Variants in ZBTB7C observed in about 807,000 individuals in gnomAD.
The protein encoded by ZBTB7C is zinc finger and BTB domain-containing protein 7C.
Under a neutral mutation model 25.7 loss-of-function variants are expected in ZBTB7C, and 8 were observed. That is an observed-to-expected ratio of 0.31 (90% CI 0.18 to 0.56). The LOEUF (loss-of-function observed/expected upper bound fraction) is 0.56. ZBTB7C is among the 20% of genes least tolerant of loss of function. The pLI, the probability that ZBTB7C is intolerant of heterozygous loss-of-function variation, is 0.91. For missense variants in ZBTB7C, 824 were observed against 855.2 expected (o/e 0.96, Z 0.46); for synonymous variants, 394 against 369.0 (o/e 1.07, Z -0.78).
rs955880539 is a variant in ZBTB7C at position 48,076,863 on chromosome 18, CA to C, written c.-16-35741del. On this transcript the variant is annotated intron_variant, in intron 3 of 4. Transcript: ENST00000590800. ...GAGAATGTAGTCATTATGCCCTGCC[CA>C]AAGCCCGAACCATGATCCCTTTTCC... The C allele has an allele frequency of 2.2e-5, 20 of 900,876 alleles. No individual in the cohort carries two copies. The African/African-American group carries it at 3.4e-4, about 16-fold the overall frequency. 55.8% of individuals were successfully genotyped at this position (900,876 alleles called of 1,614,324 possible). A position where few individuals can be genotyped will look rare whatever the true frequency, so the allele number is the denominator to read the frequency against.
At chr18:48,279,688 T>C (rs951254793) in intron 2 of ZBTB7C, among the ~76,000 whole-genome samples, 2 of 152,094 alleles carry the variant, frequency 1.3e-5, no homozygotes, top group African/African-American at 4.8e-5. Flanking sequence ...CTCAGGCAGC[T>C]CCCCCACTGA....
intron 2 of ZBTB7C, among the ~76,000 whole-genome samples, chr18:48,241,775 T>C (rs986333789): frequency 2.6e-5 from 4 of 151,684 alleles, no homozygotes; most frequent in African/African-American, 9.7e-5. Flanking sequence ...AAATCGACAA[T>C]CTAAAGTCAC....
At chr18:48,129,956 G>A (rs1324560254) in intron 3 of ZBTB7C, among the ~76,000 whole-genome samples, 1 of 152,186 alleles carries the variant, frequency 6.6e-6, no homozygotes, top group Non-Finnish European at 1.5e-5. Context: ...TAGCAGGTGG[G>A]AGTCAGGAGG....
chr18:48,042,565 G>A (rs1004837822), intron 3 of ZBTB7C, among the ~76,000 whole-genome samples: 2 of 152,158 alleles, frequency 1.3e-5, no homozygotes, highest in Admixed American at 6.5e-5. Context: ...GGAGTGAGAA[G>A]TATACGCTCA....
At chr18:48,388,612 G>A (rs377503127) in intron 1 of ZBTB7C, among the ~76,000 whole-genome samples, 9 of 152,284 alleles carry the variant, frequency 5.9e-5, no homozygotes, top group East Asian at 1.9e-4. Context: ...AGCCAGGCGC[G>A]GTAGTACATG....
At chr18:48,222,031 A>T (rs2042976499) in intron 2 of ZBTB7C, among the ~76,000 whole-genome samples, 1 of 148,364 alleles carries the variant, frequency 6.7e-6, no homozygotes, top group Admixed American at 6.7e-5. Context: ...AATCTCCTCT[A>T]AACTGCCCTA....
At chr18:48,286,823 AG>A (rs370997405) in intron 2 of ZBTB7C, among the ~76,000 whole-genome samples, 2,008 of 152,168 alleles carry the variant, frequency 0.013, 22 homozygotes, top group South Asian at 0.054. Context: ...AGGCTAAGGC[AG>A]GGGGATCACT....
At chr18:48,251,608 G>A (rs1241439750) in intron 2 of ZBTB7C, among the ~76,000 whole-genome samples, 3 of 152,194 alleles carry the variant, frequency 2.0e-5, no homozygotes, top group Admixed American at 6.5e-5. Context: ...TCAACATGGC[G>A]GCTCCATCTT....
chr18:48,198,636 T>C (rs1453455153), intron 2 of ZBTB7C, among the ~76,000 whole-genome samples: 1 of 152,040 alleles, frequency 6.6e-6, no homozygotes, highest in Non-Finnish European at 1.5e-5. Context: ...CCCTCTGACC[T>C]CTCTTCCATT....
intron 2 of ZBTB7C, among the ~76,000 whole-genome samples, chr18:48,319,851 C>T (rs899974571): frequency 4.0e-5 from 6 of 151,852 alleles, no homozygotes; most frequent in Non-Finnish European, 8.8e-5. Context: ...TGTCACATGC[C>T]AAATATTGTG....
At chr18:48,173,066 A>G (rs1357245280) in intron 3 of ZBTB7C, among the ~76,000 whole-genome samples, 2 of 152,208 alleles carry the variant, frequency 1.3e-5, no homozygotes, top group African/African-American at 2.4e-5. Context: ...TAGTTCTTGA[A>G]CATGCCATCT....
chr18:48,358,369 G>C (rs756632600), intron 1 of ZBTB7C, among the ~76,000 whole-genome samples: 1 of 151,874 alleles, frequency 6.6e-6, no homozygotes, highest in Non-Finnish European at 1.5e-5. Flanking sequence ...TAAAGAAAAA[G>C]TATGTGACAC....
At chr18:48,301,181 T>C (rs113464898) in intron 2 of ZBTB7C, among the ~76,000 whole-genome samples, 1,671 of 152,274 alleles carry the variant, frequency 0.011, 33 homozygotes, top group African/African-American at 0.038. Flanking sequence ...GGGCTATTTG[T>C]TGTGCAGGGA....
intron 1 of ZBTB7C, among the ~76,000 whole-genome samples, chr18:48,398,489 GC>G (rs942384838): frequency 6.6e-6 from 1 of 152,150 alleles, no homozygotes; most frequent in African/African-American, 2.4e-5. Flanking sequence ...GAGTTGATCA[GC>G]CCAGAGCCCC....
intron 1 of ZBTB7C, among the ~76,000 whole-genome samples, chr18:48,351,835 G>T (rs774885371): frequency 3.3e-5 from 5 of 152,186 alleles, no homozygotes; most frequent in Admixed American, 6.5e-5. Flanking sequence ...CTCCTTGGCA[G>T]CAAGCCAAGC....
rs544472881 is a variant in ZBTB7C, at chr18:48,368,668, G to A, written c.-303-30270C>T. 2.1e-4 allele frequency among the ~76,000 whole-genome samples: 32 copies of A among 152,130 alleles called. 1 individual carries two copies. The highest frequency in any genetic ancestry group is 6.7e-4 in the African/African-American group (28 of 41,526). On this transcript the variant is annotated intron_variant, in intron 1 of 4. Coordinates refer to ENST00000590800, the MANE Select transcript of ZBTB7C (RefSeq NM_001318841.2). ...CAGTCAAACTTCTGAAAATTAAAGA[G>A]GAACAAAAAGTCTTGAAAACGTTCA...
chr18:48,108,074 G>T (rs4368221), intron 3 of ZBTB7C, among the ~76,000 whole-genome samples: 1 of 152,032 alleles, frequency 6.6e-6, no homozygotes, highest in East Asian at 1.9e-4. Context: ...TGGCGTCTGA[G>T]GCTGGTCTCC....
chr18:48,167,331 C>T (rs2041286223), intron 3 of ZBTB7C, among the ~76,000 whole-genome samples: 1 of 152,206 alleles, frequency 6.6e-6, no homozygotes, highest in African/African-American at 2.4e-5. Context: ...CATTCTGAGC[C>T]TTTGGCCCAG....
intron 3 of ZBTB7C, chr18:48,165,011 T>TAATATAA (rs2041195240): frequency 8.4e-7 from 1 of 1,190,784 alleles, no homozygotes; most frequent in African/African-American, 1.6e-5. Context: ...TCTTAGGAAA[T>TAATATAA]CTTAAGCCAA....
Sources: allele counts gnomAD v4.1 joint callset (sites outside exome capture counted in the v4.1 genomes callset), GRCh38; gene constraint gnomAD v4.1.1; transcripts MANE v1.5; gene names NCBI Gene and HGNC (gene_info 2026-07-23, HGNC 2026-07-21).